ASTN2: variants seen among roughly 807,000 people sequenced by gnomAD.
The protein encoded by ASTN2 is astrotactin-2.
In ASTN2, 54 loss-of-function variants were observed where a neutral mutation model predicts 139.8. That is an observed-to-expected ratio of 0.39 (90% confidence interval 0.31 to 0.48). ASTN2 has a LOEUF of 0.48. Ranked by LOEUF, ASTN2 falls within the 20% of genes least tolerant of loss-of-function variation. The pLI, the probability that ASTN2 is intolerant of heterozygous loss-of-function variation, is 0.95. For missense variants in ASTN2, 1,565 were observed against 1,725.1 expected, an observed-to-expected ratio of 0.91 and a Z score of 1.64; for synonymous variants, 756 against 719.5, an observed-to-expected ratio of 1.05 and a Z score of -0.81.
intron 3 of ASTN2, among the ~76,000 whole-genome samples, chr9:117,202,704 C>T (rs1369390404): frequency 6.6e-6 from 1 of 152,208 alleles, no homozygotes; most frequent in African/African-American, 2.4e-5. Context: ...GAGAGGCCCA[C>T]TGTTATTCTG....
At chr9:116,888,673 C>T (rs902701420) in intron 10 of ASTN2, among the ~76,000 whole-genome samples, 1 of 150,614 alleles carries the variant, frequency 6.6e-6, no homozygotes, top group South Asian at 2.1e-4. Flanking sequence ...CAGGCACGCG[C>T]CACCACACCC....
chr9:116,903,600 G>A (rs924441138), intron 10 of ASTN2, among the ~76,000 whole-genome samples: 1 of 152,144 alleles, frequency 6.6e-6, no homozygotes, highest in African/African-American at 2.4e-5. Context: ...GACATATCCT[G>A]GCCTGGGTGC....
At chr9:117,074,152 T>C (rs1828212490) in intron 5 of ASTN2, among the ~76,000 whole-genome samples, 1 of 152,184 alleles carries the variant, frequency 6.6e-6, no homozygotes, top group Non-Finnish European at 1.5e-5. Context: ...TTATTCTAAT[T>C]GCCAACATTT....
At chr9:116,567,001 T>C (rs1344883607) in intron 19 of ASTN2, among the ~76,000 whole-genome samples, 6 of 152,218 alleles carry the variant, frequency 3.9e-5, no homozygotes, top group African/African-American at 1.4e-4. Context: ...TCTCAGCATC[T>C]GCTTCTCAGA....
intron 5 of ASTN2, among the ~76,000 whole-genome samples, chr9:117,080,259 G>A (rs192758808): frequency 7.2e-5 from 11 of 152,262 alleles, no homozygotes; most frequent in Admixed American, 5.9e-4. Context: ...ATTGTGGTTT[G>A]TAAATTCTGC....
chr9:116,721,340 GGTGACTTTATACA>G (rs1189622293), intron 16 of ASTN2, among the ~76,000 whole-genome samples: 4 of 152,080 alleles, frequency 2.6e-5, no homozygotes, highest in African/African-American at 9.7e-5. Flanking sequence ...CCACAGGAAG[GGTGACTTTATACA>G]GTGAACCCTC....
At chr9:116,867,867 A>T (rs1833058326) in intron 10 of ASTN2, among the ~76,000 whole-genome samples, 1 of 152,194 alleles carries the variant, frequency 6.6e-6, no homozygotes, top group Admixed American at 6.5e-5. Context: ...ACAGGAAAAA[A>T]AAGCTTAAAG....
Position 116,733,481 on chromosome 9 carries a change from C to T in ASTN2, c.2439G>A (p.Gly813=), listed in dbSNP as rs1258941429. The change falls in exon 14 of 23, where the codon GGG becomes GGA. Residue 813 remains glycine (G), a synonymous_variant. Coordinates refer to ENST00000313400, the MANE Select transcript of ASTN2 (RefSeq NM_001365068.1). The part of the protein sequence containing the change: ...FIKDFPQLAD[G]LLVIPLPVEE... ...CCACCGGCAGCGGGATCACCAACAG[C>T]CCATCGGCCAGCTGGGGAAAGTCCT... 1.2e-6 allele frequency: 2 copies of T among 1,614,190 alleles called. No individual in the cohort carries two copies. Among genetic ancestry groups the T allele is most frequent in the Admixed American group, 3.3e-5 (2 of 60,022 alleles).
chr9:116,679,988 TC>T (rs1232792468), intron 16 of ASTN2, among the ~76,000 whole-genome samples: 11 of 151,828 alleles, frequency 7.2e-5, no homozygotes, highest in African/African-American at 2.4e-4. Flanking sequence ...GCAAACACAT[TC>T]AAAAGCTAGC....
chr9:117,094,124 G>A (rs1192257117), intron 5 of ASTN2, among the ~76,000 whole-genome samples: 1 of 24,818 alleles, frequency 4.0e-5, no homozygotes, highest in Non-Finnish European at 8.6e-5. Flanking sequence ...GAGAGGGAGG[G>A]AGGGAGGGAC....
intron 16 of ASTN2, among the ~76,000 whole-genome samples, chr9:116,669,663 T>C (rs769815332): frequency 7.9e-5 from 12 of 152,352 alleles, no homozygotes; most frequent in Non-Finnish European, 1.5e-4. Context: ...ATATTTTGGA[T>C]AACAGTCCTT....
chr9:117,186,794 A>C (rs1240336768), intron 3 of ASTN2, among the ~76,000 whole-genome samples: 1 of 152,184 alleles, frequency 6.6e-6, no homozygotes, highest in Non-Finnish European at 1.5e-5. Context: ...ACAATTCTTA[A>C]AGATGGACAG....
chr9:116,642,132 C>CCAAAAAAAAAAAAAAAAAAAA (rs1554724602), intron 17 of ASTN2, among the ~76,000 whole-genome samples: 5 of 48,930 alleles, frequency 1.0e-4, no homozygotes, highest in African/African-American at 3.1e-4. Flanking sequence ...TCCCAACCCA[C>CCAAAAAAAAAAAAAAAAAAAA]AAAAAAAAAA....
chr9:116,888,893 C>G (rs935501831), intron 10 of ASTN2, among the ~76,000 whole-genome samples: 2 of 152,154 alleles, frequency 1.3e-5, no homozygotes, highest in Non-Finnish European at 2.9e-5. Context: ...GTTCCTCTCC[C>G]TGTGTCCATG....
intron 3 of ASTN2, among the ~76,000 whole-genome samples, chr9:117,186,619 A>G (rs1054562132): frequency 2.6e-5 from 4 of 152,170 alleles, no homozygotes; most frequent in African/African-American, 9.7e-5. Flanking sequence ...TAAATAGCCA[A>G]TCATTTGAAA....
At chr9:116,840,424 A>AGG (rs1832179345) in intron 11 of ASTN2, among the ~76,000 whole-genome samples, 1 of 149,412 alleles carries the variant, frequency 6.7e-6, no homozygotes, top group South Asian at 2.1e-4. Context: ...GGCCAGGCAG[A>AGG]GGGGCTCCTC....
intron 22 of ASTN2, among the ~76,000 whole-genome samples, chr9:116,426,535 G>A (rs1244045991): frequency 6.6e-6 from 1 of 152,116 alleles, no homozygotes; most frequent in Non-Finnish European, 1.5e-5. Context: ...CCCTTTTAAT[G>A]GGTGAGGAGC....
intron 1 of ASTN2, among the ~76,000 whole-genome samples, chr9:117,295,721 CAA>C (rs926778289): frequency 3.3e-5 from 5 of 150,748 alleles, no homozygotes; most frequent in African/African-American, 1.2e-4. Flanking sequence ...AAATAGAATT[CAA>C]AGAGTGTTAC....
chr9:117,184,203 C>T (rs1831142676), intron 3 of ASTN2, among the ~76,000 whole-genome samples: 1 of 152,158 alleles, frequency 6.6e-6, no homozygotes. Context: ...TCATTTCTAC[C>T]TGACTGCCCA....
Sources: allele counts gnomAD v4.1 joint callset (sites outside exome capture counted in the v4.1 genomes callset), GRCh38; gene constraint gnomAD v4.1.1; transcripts MANE v1.5; gene names NCBI Gene and HGNC (gene_info 2026-07-23, HGNC 2026-07-21).